The following GMNC variants were observed in gnomAD, a reference collection of about 807,000 sequenced individuals.
GMNC encodes geminin coiled-coil domain-containing protein 1.
A neutral mutation model predicts 33.6 loss-of-function variants in GMNC; 16 were observed. The observed-to-expected ratio is 0.48, with a 90% CI of 0.32 to 0.72. The LOEUF (loss-of-function observed/expected upper bound fraction) is 0.72, where lower values mean the gene tolerates loss of function less well. GMNC is among the 30% of genes least tolerant of loss of function. The pLI is 0.03. For missense variants in GMNC, 393 were observed against 388.9 expected (o/e 1.01, Z -0.09); for synonymous variants, 156 against 147.3 (o/e 1.06, Z -0.43).
At chr3:190,846,429 A>G in the GMNC span, among the ~76,000 whole-genome samples, 2 of 152,204 alleles carry the variant, frequency 1.3e-5, no homozygotes, top group East Asian at 3.8e-4. Flanking sequence ...TTACTGTTTG[A>G]TATTACATAT....
At chr3:190,849,854 G>T (rs1036967424), downstream of GMNC, among the ~76,000 whole-genome samples, 5 of 152,102 alleles carry the variant, frequency 3.3e-5, no homozygotes, top group African/African-American at 1.2e-4. Flanking sequence ...ATACTGAAAA[G>T]GAATGACAGT....
At chr3:190,845,796 C>G in the GMNC span, among the ~76,000 whole-genome samples, 1 of 152,064 alleles carries the variant, frequency 6.6e-6, no homozygotes, top group East Asian at 1.9e-4. Flanking sequence ...CGTGAGCCAC[C>G]GCGCCGGGCC....
At chr3:190,860,630 C>T (rs556243831) in intron 2 of GMNC, 54 bp downstream of exon 2, 73 of 1,452,038 alleles carry the variant, frequency 5.0e-5, no homozygotes, top group South Asian at 2.0e-4. Flanking sequence ...TCCGCAGCCA[C>T]GGGTATGGAA....
chr3:190,850,673 G>A (rs146251741), downstream of GMNC, among the ~76,000 whole-genome samples: 374 of 152,166 alleles, frequency 2.5e-3, 2 homozygotes, highest in African/African-American at 8.3e-3. Context: ...CTGTGTGTCC[G>A]CGAGCCTAAT....
Position 190,860,803 on chromosome 3 carries a change from C to A in GMNC, c.59G>T (p.Cys20Phe), listed in dbSNP as rs1322225445. Residue 20 changes from cysteine (C) to phenylalanine (F), a missense_variant, in exon 2 of 5, where the codon TGC becomes TTC. Physicochemically the swap from Cys to Phe is radical, Grantham distance 205 (BLOSUM62 -2). Coordinates refer to ENST00000442080, the MANE Select transcript of GMNC (RefSeq NM_001146686.3). ...TTCTGACGTTGTAGTGGAATACGGG[C>A]AATTATAGCTCTGGCCTCCTACAAA... is the stretch of plus-strand genomic sequence containing the variant. ...QYFVGGQSYN[C>F]PYSTTTSESS... 5 of 1,551,096 alleles carry A rather than the reference C, an allele frequency of 3.2e-6. No homozygotes were observed. The Admixed American group carries it at 5.9e-5, about 18-fold the overall frequency.
chr3:190,857,218 A>T (rs1358341889), intron 4 of GMNC, among the ~76,000 whole-genome samples: 1 of 151,274 alleles, frequency 6.6e-6, no homozygotes, highest in Non-Finnish European at 1.5e-5. Flanking sequence ...GCTCATTTTA[A>T]AAGTGGAGAA....
In GMNC at chr3:190,855,642, C is replaced by T. The variant is rs897964934; in HGVS notation, c.658G>A (p.Ala220Thr). 2.1e-5 allele frequency: 32 copies of T among 1,551,504 alleles called. No individual in the cohort carries two copies. Among genetic ancestry groups the T allele is most frequent in the East Asian group, 1.7e-4 (7 of 40,912 alleles). The change falls in exon 5 of 5, where the codon GCC (alanine) becomes ACC (threonine). Residue 220 changes from alanine (A) to threonine (T), a missense_variant. Coordinates refer to ENST00000442080, the MANE Select transcript of GMNC (RefSeq NM_001146686.3). Reference protein sequence around the residue: ...SALASHPRRVASTFSQFPDDA... With the variant: ...SALASHPRRVTSTFSQFPDDA... ...TCCGGAAACTGGGAAAATGTGCTGG[C>T]GACTCTTCTGGGATGAGATGCGAGG...
At chr3:190,852,639 C>T (rs1737652663), downstream of GMNC, among the ~76,000 whole-genome samples, 1 of 152,064 alleles carries the variant, frequency 6.6e-6, no homozygotes, top group African/African-American at 2.4e-5. Context: ...AGGGAAAGAA[C>T]CATCAAGCCC....
downstream of GMNC, among the ~76,000 whole-genome samples, chr3:190,852,369 A>G (rs544479910): frequency 1.7e-4 from 26 of 152,254 alleles, no homozygotes; most frequent in Non-Finnish European, 3.1e-4. Context: ...CTTATAGTTT[A>G]GCATCACTGA....
rs767207665 is a variant in GMNC at position 190,862,572 on chromosome 3, A to G, written c.3+41T>C. ...AAAGCTTATTAACTTTCAGAGACCC[A>G]AGTTTGCCAGCGGACTAGCTAACGC... On this transcript the variant is annotated intron_variant, in intron 1 of 4. Transcript: ENST00000442080. This position sits in a 1 kb window ranked among gnomAD's most constrained non-coding sequence, Gnocchi z 4.5. 3 of 1,474,806 alleles carry G rather than the reference A, an allele frequency of 2.0e-6. No individual in the cohort carries two copies. In the South Asian group the frequency reaches 3.6e-5, roughly 18 times the overall value. The allele number at this position is 1,474,806 out of a possible 1,614,324, so 91.4% of individuals were successfully genotyped here. A position where few individuals can be genotyped will look rare whatever the true frequency, so the allele number is the denominator to read the frequency against.
At chr3:190,859,382 AT>A (rs1737814618) in intron 2 of GMNC, among the ~76,000 whole-genome samples, 1 of 152,016 alleles carries the variant, frequency 6.6e-6, no homozygotes, top group South Asian at 2.1e-4. Flanking sequence ...TTGTAATTCC[AT>A]TATGTTTTTC....
the GMNC span, among the ~76,000 whole-genome samples, chr3:190,844,144 T>G: frequency 6.6e-6 from 1 of 152,268 alleles, no homozygotes; most frequent in Non-Finnish European, 1.5e-5. Flanking sequence ...ATTTGACAAT[T>G]CTTTGCTTTA....
intron 2 of GMNC, among the ~76,000 whole-genome samples, chr3:190,860,364 T>C (rs1332038846): frequency 6.6e-6 from 1 of 152,192 alleles, no homozygotes; most frequent in Non-Finnish European, 1.5e-5. Context: ...GGTATCCTCA[T>C]TCCAAAGACA....
At chr3:190,849,284 GCA>G (rs373577553), downstream of GMNC, among the ~76,000 whole-genome samples, 93 of 152,302 alleles carry the variant, frequency 6.1e-4, no homozygotes, top group African/African-American at 2.2e-3. Context: ...TTCCTGGGGT[GCA>G]CACACGGCTC....
the GMNC span, among the ~76,000 whole-genome samples, chr3:190,845,762 C>A: frequency 6.6e-6 from 1 of 152,028 alleles, no homozygotes; most frequent in Non-Finnish European, 1.5e-5. Context: ...CTGCCTTAGC[C>A]TCCCAAAGTG....
rs1397794490 is a variant in GMNC, at chr3:190,857,784, T to G, written c.383A>C (p.Lys128Thr). ...ALVKCLEEKAKKLLSSDEFSK... is the reference protein window; with the variant it reads ...ALVKCLEEKATKLLSSDEFSK... ...AGTAGATACATACATCATACATACC[T>G]TGGCCTTTTCTTCAAGACATTTAAC... Residue 128 changes from lysine (K) to threonine (T), a missense_variant and splice_region_variant, in exon 4 of 5, where the codon AAG becomes ACG. Transcript: ENST00000442080. The G allele has an allele frequency of 1.4e-6, 2 of 1,451,056 alleles. No individual in the cohort carries two copies. The highest frequency in any genetic ancestry group is 2.0e-5 in the Admixed American group (1 of 50,858). 89.9% of individuals were successfully genotyped at this position (1,451,056 alleles called of 1,614,324 possible).
chr3:190,843,521 G>A, the GMNC span, among the ~76,000 whole-genome samples: 1 of 152,132 alleles, frequency 6.6e-6, no homozygotes, highest in East Asian at 1.9e-4. Flanking sequence ...CTTAAAAAGA[G>A]TAAGATGAGT....
chr3:190,844,758 T>C, the GMNC span, among the ~76,000 whole-genome samples: 1 of 151,896 alleles, frequency 6.6e-6, no homozygotes, highest in East Asian at 1.9e-4. Context: ...TATAAGCAAA[T>C]AGAGAAAGCA....
chr3:190,844,037 T>C, the GMNC span, among the ~76,000 whole-genome samples: 51 of 152,336 alleles, frequency 3.3e-4, no homozygotes, highest in Middle Eastern at 0.014. Flanking sequence ...ATAGTTTAAA[T>C]ATCATCATTC....
Sources: allele counts gnomAD v4.1 joint callset (sites outside exome capture counted in the v4.1 genomes callset), GRCh38; gene constraint gnomAD v4.1.1; non-coding constraint Gnocchi (gnomAD v3.1); transcripts MANE v1.5; gene names NCBI Gene and HGNC (gene_info 2026-07-23, HGNC 2026-07-21).